Variants in MAP3K21 observed in about 807,000 individuals in gnomAD.
The protein encoded by MAP3K21 is mitogen-activated protein kinase kinase kinase 21.
Under a neutral mutation model 86.1 loss-of-function variants are expected in MAP3K21, and 63 were observed. The ratio of observed to expected loss-of-function variants is 0.73; its 90% confidence interval spans 0.60 to 0.90. The LOEUF (loss-of-function observed/expected upper bound fraction) is 0.90, where lower values mean the gene tolerates loss of function less well. MAP3K21 is among the 40% of genes least tolerant of loss of function. MAP3K21 has a pLI of 0.00. For synonymous variants in MAP3K21, 558 were observed against 564.8 expected (o/e 0.99, Z 0.17); for missense variants, 1,220 against 1,367.7 (o/e 0.89, Z 1.70).
intron 2 of MAP3K21, among the ~76,000 whole-genome samples, chr1:233,350,199 G>T (rs1248681482): frequency 6.6e-6 from 1 of 152,010 alleles, no homozygotes; most frequent in Non-Finnish European, 1.5e-5. Context: ...TGGTGTAAAT[G>T]GCTGTCGTTC....
At chr1:233,353,724 A>C (rs1290820786) in intron 2 of MAP3K21, 83 bp from the exon 3 acceptor site, 1 of 1,279,752 alleles carries the variant, frequency 7.8e-7, no homozygotes, top group Non-Finnish European at 1.0e-6. Context: ...GGATGAAGGT[A>C]CTGAAGGGTT....
chr1:233,368,371 G>A (rs1161486223), intron 5 of MAP3K21, among the ~76,000 whole-genome samples: 1 of 152,034 alleles, frequency 6.6e-6, no homozygotes, highest in Non-Finnish European at 1.5e-5. Context: ...AATGACTTGG[G>A]GCTAGGTGCA....
In MAP3K21 at chr1:233,346,536, CA is replaced by C. The variant is rs1475537784; in HGVS notation, c.904del (p.Met302Ter). The stretch of plus-strand genomic sequence containing the variant: ...TGGCGAGGGAATGGCACAGGACCAC[CA>C]AAATGAGCACAGCAGGCACCTATGC... ...GLAREWHRTT[K>X]MSTAGTYAWM... On this transcript the variant is annotated frameshift_variant, in exon 2 of 10. Transcript: ENST00000366624. LOFTEE classifies it high-confidence loss of function. 6.2e-7 allele frequency: 1 copy of C among 1,613,912 alleles called. No homozygotes were observed. Among genetic ancestry groups the C allele is most frequent in the Admixed American group, 1.7e-5 (1 of 59,994 alleles).
chr1:233,359,582 C>T (rs1024015039), intron 4 of MAP3K21, among the ~76,000 whole-genome samples: 4 of 152,106 alleles, frequency 2.6e-5, no homozygotes, highest in South Asian at 2.1e-4. Context: ...CCGTAGCCTC[C>T]GTAGATACTG....
intron 1 of MAP3K21, among the ~76,000 whole-genome samples, chr1:233,340,856 A>C (rs1428347743): frequency 6.6e-6 from 1 of 152,180 alleles, no homozygotes; most frequent in East Asian, 1.9e-4. Context: ...TTTCCAGTTA[A>C]AGATTAATCG....
At chr1:233,354,607 T>C (rs748875939) in intron 3 of MAP3K21, among the ~76,000 whole-genome samples, 2 of 152,168 alleles carry the variant, frequency 1.3e-5, no homozygotes, top group Admixed American at 6.5e-5. Context: ...GCAACAGCCT[T>C]CTCTAATGGT....
At chr1:233,339,576 G>T (rs1387070319) in intron 1 of MAP3K21, among the ~76,000 whole-genome samples, 2 of 151,294 alleles carry the variant, frequency 1.3e-5, no homozygotes, top group Non-Finnish European at 2.9e-5. Flanking sequence ...AACCTCCTGG[G>T]CTCAAGTCAT....
chr1:233,331,938 T>A (rs1305788376), intron 1 of MAP3K21, among the ~76,000 whole-genome samples: 5 of 152,218 alleles, frequency 3.3e-5, no homozygotes. Flanking sequence ...TTTAAATAAA[T>A]ACTAGGCCCT....
Position 233,362,055 on chromosome 1 carries a change from G to C in MAP3K21, c.1314G>C (p.Glu438Asp). The change falls in exon 5 of 10, where the codon GAG becomes GAC. Residue 438 changes from glutamate to aspartate, a missense_variant and splice_region_variant. This residue lies in a region of MAP3K21 where 126 missense variants were observed against 127.7 expected (regional missense o/e 0.99). Transcript: ENST00000366624. The stretch of plus-strand genomic sequence containing the variant: ...GTGGGTGTGAATCTGTGTCGCAGGA[G>C]CTGCGATCCCGGGAAGAGGAGCTGA... ...MFDELRTKEKELRSREEELTR... is the reference protein window; with the variant it reads ...MFDELRTKEKDLRSREEELTR... 2 of 1,611,490 alleles carry C rather than the reference G, an allele frequency of 1.2e-6. No individual in the cohort carries two copies. The highest frequency in any genetic ancestry group is 1.7e-6 in the Non-Finnish European group (2 of 1,178,906).
At chr1:233,358,608 C>A (rs2102756834) in intron 4 of MAP3K21, among the ~76,000 whole-genome samples, 1 of 151,674 alleles carries the variant, frequency 6.6e-6, no homozygotes, top group South Asian at 2.1e-4. Context: ...ATCATAGAAT[C>A]TAAAATTTGG....
chr1:233,331,569 G>T (rs1036257054), intron 1 of MAP3K21, among the ~76,000 whole-genome samples: 1 of 152,188 alleles, frequency 6.6e-6, no homozygotes, highest in Non-Finnish European at 1.5e-5. Flanking sequence ...GCTAATGGTG[G>T]TAGTGAGTTA....
At chr1:233,360,405 T>G (rs1482320302) in intron 4 of MAP3K21, among the ~76,000 whole-genome samples, 2 of 152,180 alleles carry the variant, frequency 1.3e-5, no homozygotes, top group Admixed American at 1.3e-4. Context: ...AAAAACCAAC[T>G]GATAGGCATA....
chr1:233,375,742 T>A (rs1663781873), intron 6 of MAP3K21, 174 bp from the exon 7 acceptor site: 2 of 546,872 alleles, frequency 3.7e-6, no homozygotes, highest in Non-Finnish European at 6.4e-6. Flanking sequence ...GATGTTTTTA[T>A]GATCAGAGAA....
intron 1 of MAP3K21, among the ~76,000 whole-genome samples, chr1:233,338,700 C>T (rs1192766770): frequency 6.6e-6 from 1 of 152,166 alleles, no homozygotes; most frequent in African/African-American, 2.4e-5. Context: ...GTGGGCAGAA[C>T]AGCAGCACAT....
intron 5 of MAP3K21, among the ~76,000 whole-genome samples, chr1:233,362,721 C>T (rs1260702513): frequency 1.3e-5 from 2 of 151,976 alleles, no homozygotes; most frequent in Non-Finnish European, 2.9e-5. Flanking sequence ...GTATCTGGGA[C>T]ACTGATATTG....
At position 233,328,427 on chromosome 1, in the gene MAP3K21, G is replaced by C; in HGVS notation, c.399G>C (p.Gly133=). The change falls in exon 1 of 10, where the codon GGG becomes GGC. Residue 133 remains glycine (G), a synonymous_variant. Transcript: ENST00000366624. The surrounding 1 kb of genome is among the most constrained non-coding windows in gnomAD (Gnocchi z 8.7). ...RLELKELIGA[G]GFGQVYRATW... Reference sequence around the variant, plus strand: ...AGCTGAAGGAGCTCATCGGCGCTGGGGGCTTCGGGCAGGTGTACCGCGCCA... The same window carrying C: ...AGCTGAAGGAGCTCATCGGCGCTGGCGGCTTCGGGCAGGTGTACCGCGCCA... 6.7e-7 allele frequency: 1 copy of C among 1,495,290 alleles called. No individual in the cohort carries two copies. Among genetic ancestry groups the C allele is most frequent in the Non-Finnish European group, 8.8e-7 (1 of 1,130,782 alleles). The allele number at this position is 1,495,290 out of a possible 1,614,324, so 92.6% of individuals were successfully genotyped here. A position where few individuals can be genotyped will look rare whatever the true frequency, so the allele number is the denominator to read the frequency against.
intron 2 of MAP3K21, among the ~76,000 whole-genome samples, chr1:233,352,341 A>G (rs1399355360): frequency 6.6e-6 from 1 of 152,088 alleles, no homozygotes; most frequent in Non-Finnish European, 1.5e-5. Context: ...CCTCTCTTCT[A>G]GCTATCTGAA....
At chr1:233,372,415 A>C in intron 6 of MAP3K21, 4 of 434,792 alleles carry the variant, frequency 9.2e-6, no homozygotes. Context: ...AAAGTGAAAC[A>C]CCACATCTCG....
chr1:233,330,237 C>T (rs1662785485), intron 1 of MAP3K21, among the ~76,000 whole-genome samples: 1 of 152,152 alleles, frequency 6.6e-6, no homozygotes, highest in African/African-American at 2.4e-5. Flanking sequence ...ATCCTCCTTC[C>T]CCCCAAGTCT....
Sources: gnomAD v4.1 joint callset for allele counts (sites outside exome capture counted in the v4.1 genomes callset) on GRCh38, gnomAD v4.1.1 for gene constraint, gnomAD v4.1.1 regional missense constraint, Gnocchi (gnomAD v3.1) non-coding constraint, MANE v1.5 for transcripts, NCBI Gene and HGNC (gene_info 2026-07-23, HGNC 2026-07-21) for gene names.